CDH9: variants seen among roughly 807,000 people sequenced by gnomAD.
CDH9 encodes the protein cadherin 9.
A neutral mutation model predicts 70.9 loss-of-function variants in CDH9; 28 were observed. That is an observed-to-expected ratio of 0.40 (90% CI 0.29 to 0.54). The LOEUF (loss-of-function observed/expected upper bound fraction) is 0.54, where lower values mean the gene tolerates loss of function less well. CDH9 is among the 20% of genes least tolerant of loss of function. The pLI is 0.59. For missense variants in CDH9, 874 were observed against 984.4 expected (o/e 0.89, Z 1.50); for synonymous variants, 409 against 343.1 (o/e 1.19, Z -2.12).
At chr5:26,900,369 CAAA>C (rs1323244556) in intron 7 of CDH9, among the ~76,000 whole-genome samples, 12 of 151,918 alleles carry the variant, frequency 7.9e-5, no homozygotes, top group Non-Finnish European at 1.6e-4. Context: ...CAAATTTAGA[CAAA>C]AACATTACAG....
At chr5:26,964,500 A>T (rs1480602565) in intron 2 of CDH9, among the ~76,000 whole-genome samples, 1 of 152,206 alleles carries the variant, frequency 6.6e-6, no homozygotes, top group Non-Finnish European at 1.5e-5. Flanking sequence ...CCACTCAACC[A>T]ACCAATGAAC....
chr5:26,961,964 T>C (rs1003295301), intron 2 of CDH9, among the ~76,000 whole-genome samples: 3 of 152,166 alleles, frequency 2.0e-5, no homozygotes, highest in Non-Finnish European at 4.4e-5. Context: ...CTCCTAATGC[T>C]ATCCCTTCCC....
intron 2 of CDH9, among the ~76,000 whole-genome samples, chr5:26,980,056 T>C (rs1241206726): frequency 6.6e-6 from 1 of 151,860 alleles, no homozygotes; most frequent in African/African-American, 2.4e-5. Flanking sequence ...ACCCAGCAAG[T>C]ATGTAATAAA....
At chr5:26,965,058 CTT>C (rs1742106099) in intron 2 of CDH9, among the ~76,000 whole-genome samples, 2 of 151,976 alleles carry the variant, frequency 1.3e-5, no homozygotes, top group Non-Finnish European at 2.9e-5. Context: ...AACTTTTATT[CTT>C]ATTGGTCTCT....
chr5:26,893,375 T>C (rs1398097736), intron 7 of CDH9, among the ~76,000 whole-genome samples: 1 of 152,188 alleles, frequency 6.6e-6, no homozygotes, highest in Non-Finnish European at 1.5e-5. Context: ...GGTCTCAGGT[T>C]TTACCTCACT....
At chr5:26,988,973 A>G (rs1472096185) in intron 1 of CDH9, among the ~76,000 whole-genome samples, 1 of 152,078 alleles carries the variant, frequency 6.6e-6, no homozygotes, top group African/African-American at 2.4e-5. Context: ...TTTCCAATCA[A>G]TAACTATTTT....
At position 27,025,484 on chromosome 5, in the gene CDH9, C is replaced by T. The variant is rs541532641; in HGVS notation, c.-50+12979G>A. ...TAACTCAGAAAGCTTAACTGGAGAT[C>T]ATCAAAAGAATAAGTCAATAAAGAG... On this transcript the variant is annotated intron_variant, in intron 1 of 11. Transcript: ENST00000231021. Among the ~76,000 whole-genome samples, 7 of 151,938 alleles carry T rather than the reference C, an allele frequency of 4.6e-5. No homozygotes were observed. The East Asian group carries it at 1.2e-3, about 25-fold the overall frequency.
At chr5:27,036,462 C>T (rs1743394037) in intron 1 of CDH9, among the ~76,000 whole-genome samples, 1 of 151,922 alleles carries the variant, frequency 6.6e-6, no homozygotes, top group African/African-American at 2.4e-5. Context: ...TTATTTCCTT[C>T]ATGCAATGAA....
At chr5:26,889,984 C>G (rs1402214931) in intron 8 of CDH9, 27 bp from the exon 9 acceptor site, 12 of 1,606,264 alleles carry the variant, frequency 7.5e-6, no homozygotes, top group Non-Finnish European at 1.0e-5. Context: ...TGTAAGATTT[C>G]AGTCTCATTT....
intron 1 of CDH9, among the ~76,000 whole-genome samples, chr5:27,033,481 T>TAGACAGACAGAC (rs923290395): frequency 6.7e-6 from 1 of 148,814 alleles, no homozygotes; most frequent in Non-Finnish European, 1.5e-5. Context: ...GACAGACAGA[T>TAGACAGACAGAC]AGACAGACAG....
At chr5:26,980,934 G>A (rs960504) in intron 2 of CDH9, among the ~76,000 whole-genome samples, 67,315 of 151,714 alleles carry the variant, frequency 0.44, 15,765 homozygotes, top group Non-Finnish European at 0.5. Flanking sequence ...CACTGTAGGT[G>A]CTCAGTTTTT....
Position 26,902,698 on chromosome 5 carries a change from G to A in CDH9, c.1031C>T (p.Thr344Ile). The A allele has an allele frequency of 1.9e-6, 3 of 1,565,010 alleles. No homozygotes were observed. Among genetic ancestry groups the A allele is most frequent in the Non-Finnish European group, 1.8e-6 (2 of 1,136,528 alleles). The change falls in exon 7 of 12, where the codon ACT becomes ATT. Residue 344 changes from threonine to isoleucine, a missense_variant. By Grantham distance (89) the Thr-to-Ile change is moderately conservative. Coordinates refer to ENST00000231021, the MANE Select transcript of CDH9 (RefSeq NM_016279.4). ...NLDFENQMLY[T>I]LRVDASNTHP... ...AGTGTTACTTGCATCCACTCTTAAA[G>A]TATAGAGCATTTGATTTTCAAAATC...
intron 7 of CDH9, among the ~76,000 whole-genome samples, chr5:26,902,026 A>G (rs889493576): frequency 1.2e-4 from 18 of 151,866 alleles, no homozygotes; most frequent in Non-Finnish European, 2.5e-4. Context: ...TTATTTATTT[A>G]GTTCCTTATT....
At chr5:27,000,578 T>C (rs761576956) in intron 1 of CDH9, among the ~76,000 whole-genome samples, 1 of 152,118 alleles carries the variant, frequency 6.6e-6, no homozygotes, top group Non-Finnish European at 1.5e-5. Flanking sequence ...CAGTTAAGCT[T>C]TCTAGTAAAC....
chr5:26,881,089 A>G lies in CDH9; in HGVS notation c.*47T>C. Reference sequence around the variant, plus strand: ...GAGAATGCAGGCCACTCAATCTAATAACATAGACAGTACTTCCACTAATAT... The same window carrying G: ...GAGAATGCAGGCCACTCAATCTAATGACATAGACAGTACTTCCACTAATAT... On this transcript the variant is annotated 3_prime_UTR_variant, in exon 12 of 12. Transcript: ENST00000231021. 6.6e-7 allele frequency: 1 copy of G among 1,514,580 alleles called. No individual in the cohort carries two copies. Among genetic ancestry groups the G allele is most frequent in the East Asian group, 2.3e-5 (1 of 44,146 alleles). 93.8% of individuals were successfully genotyped at this position (1,514,580 alleles called of 1,614,324 possible).
chr5:26,902,744 C>A lies in CDH9; in HGVS notation c.1000-15G>T. ...AAATCTAAATTCTGGAGTTAAATAA[C>A]ATAAAAGAAATTAGCATAATTCAGA... On this transcript the variant is annotated splice_polypyrimidine_tract_variant and intron_variant, in intron 6 of 11. Coordinates refer to ENST00000231021, the MANE Select transcript of CDH9 (RefSeq NM_016279.4). 6.9e-7 allele frequency: 1 copy of A among 1,450,174 alleles called. No homozygotes were observed. The highest frequency in any genetic ancestry group is 1.2e-5 in the South Asian group (1 of 85,956). The allele number at this position is 1,450,174 out of a possible 1,614,324, so 89.8% of individuals were successfully genotyped here.
At chr5:27,017,862 T>C (rs1228812240) in intron 1 of CDH9, among the ~76,000 whole-genome samples, 3 of 152,030 alleles carry the variant, frequency 2.0e-5, no homozygotes, top group Non-Finnish European at 4.4e-5. Context: ...CACATATAGG[T>C]TATTTAATGT....
intron 2 of CDH9, among the ~76,000 whole-genome samples, chr5:26,983,628 A>C (rs1277826169): frequency 6.6e-6 from 1 of 152,192 alleles, no homozygotes; most frequent in Non-Finnish European, 1.5e-5. Flanking sequence ...CAACTAATTC[A>C]TAAAGAGAAT....
At chr5:26,898,669 C>T (rs1351244755) in intron 7 of CDH9, among the ~76,000 whole-genome samples, 2 of 152,070 alleles carry the variant, frequency 1.3e-5, no homozygotes, top group Non-Finnish European at 2.9e-5. Context: ...CAAAAATTCA[C>T]TCAAGATGGA....
Sources: allele counts gnomAD v4.1 joint callset (sites outside exome capture counted in the v4.1 genomes callset), GRCh38; gene constraint gnomAD v4.1.1; transcripts MANE v1.5; gene names NCBI Gene and HGNC (gene_info 2026-07-23, HGNC 2026-07-21).